Variants in SEMA3A observed in about 807,000 individuals in gnomAD.
The protein encoded by SEMA3A is semaphorin-3A.
Under a neutral mutation model 97.9 loss-of-function variants are expected in SEMA3A, and 29 were observed. The observed-to-expected ratio is 0.30, with a 90% CI of 0.22 to 0.40. SEMA3A has a LOEUF of 0.40. Among genes scored for constraint, SEMA3A ranks in the 10% least tolerant of loss-of-function variants. The probability of loss-of-function intolerance (pLI) is 1.00; values close to 1 mark genes in which losing one functional copy is unlikely to be tolerated. For missense variants in SEMA3A, 763 were observed against 951.3 expected, an observed-to-expected ratio of 0.80 and a Z score of 2.60; for synonymous variants, 321 against 323.7, an observed-to-expected ratio of 0.99 and a Z score of 0.09.
rs557977308 is a variant in SEMA3A, at chr7:84,022,873, T to C, written c.668-8522A>G. 1.8e-4 allele frequency among the ~76,000 whole-genome samples: 27 copies of C among 152,334 alleles called. No homozygotes were observed. The South Asian group carries it at 4.8e-3, about 27-fold the overall frequency. ...GCCATTTTGCAATGTCCTCAGCACA[T>C]AGTGGAAGCTGAACAAACAATCACA... On this transcript the variant is annotated intron_variant, in intron 6 of 16. Coordinates refer to ENST00000265362, the MANE Select transcript of SEMA3A (RefSeq NM_006080.3).
At chr7:84,335,836 A>G (rs1471244112) in intron 2 of SEMA3A, among the ~76,000 whole-genome samples, 1 of 152,132 alleles carries the variant, frequency 6.6e-6, no homozygotes, top group Non-Finnish European at 1.5e-5. Flanking sequence ...TTAAAAGGTG[A>G]AAGGAACTTT....
intron 2 of SEMA3A, among the ~76,000 whole-genome samples, chr7:84,312,916 ATATATAC>A: frequency 2.1e-5 from 1 of 47,152 alleles, no homozygotes; most frequent in South Asian, 7.1e-4. Context: ...ATATATATAT[ATATATAC>A]ACACACACAC....
chr7:84,104,439 C>T (rs938715288), intron 4 of SEMA3A, among the ~76,000 whole-genome samples: 1 of 151,982 alleles, frequency 6.6e-6, no homozygotes, highest in Non-Finnish European at 1.5e-5. Flanking sequence ...AAAAAGCTGT[C>T]AAGTATTATC....
At chr7:84,445,678 A>C (rs2116351824) in intron 1 of SEMA3A, among the ~76,000 whole-genome samples, 1 of 151,790 alleles carries the variant, frequency 6.6e-6, no homozygotes, top group African/African-American at 2.4e-5. Context: ...AGATTAAACC[A>C]AAAATACTAT....
At chr7:84,028,844 C>G (rs1019271835) in intron 6 of SEMA3A, among the ~76,000 whole-genome samples, 1 of 152,242 alleles carries the variant, frequency 6.6e-6, no homozygotes, top group Non-Finnish European at 1.5e-5. Flanking sequence ...TGGTCTCAAT[C>G]TCCTGACCTC....
chr7:84,360,381 G>T (rs543316632), intron 2 of SEMA3A, among the ~76,000 whole-genome samples: 26 of 151,790 alleles, frequency 1.7e-4, no homozygotes, highest in East Asian at 5.8e-4. Context: ...TCTTTATTTC[G>T]GCCTTCATTT....
intron 10 of SEMA3A, among the ~76,000 whole-genome samples, chr7:84,006,158 A>G (rs1231530809): frequency 1.3e-5 from 2 of 152,116 alleles, no homozygotes; most frequent in Non-Finnish European, 2.9e-5. Context: ...ATTTGACATA[A>G]TGAATGGAAT....
chr7:84,160,213 CTA>C (rs1259806300), intron 1 of SEMA3A, among the ~76,000 whole-genome samples: 1 of 148,742 alleles, frequency 6.7e-6, no homozygotes, highest in East Asian at 2.0e-4. Flanking sequence ...TTAAAAAAAA[CTA>C]TCAATCTGTC....
At chr7:84,335,122 G>C (rs520536) in intron 2 of SEMA3A, among the ~76,000 whole-genome samples, 67,276 of 151,714 alleles carry the variant, frequency 0.44, 15,251 homozygotes, top group African/African-American at 0.47. Context: ...CTGTAAGATA[G>C]GGAGGATAAA....
chr7:84,479,474 G>T (rs532817711), intron 1 of SEMA3A, among the ~76,000 whole-genome samples: 1 of 152,254 alleles, frequency 6.6e-6, no homozygotes, highest in Non-Finnish European at 1.5e-5. Flanking sequence ...ACACAAAAAT[G>T]TAGACATCAT....
At chr7:84,029,289 G>C (rs1267386820) in intron 6 of SEMA3A, among the ~76,000 whole-genome samples, 3 of 152,078 alleles carry the variant, frequency 2.0e-5, no homozygotes, top group African/African-American at 7.2e-5. Flanking sequence ...TTTCAATGTG[G>C]AATGACATAA....
chr7:84,035,511 C>T (rs1791909595), intron 6 of SEMA3A, among the ~76,000 whole-genome samples: 2 of 151,800 alleles, frequency 1.3e-5, no homozygotes, highest in South Asian at 2.1e-4. Flanking sequence ...TTTTTAAGTT[C>T]TTATTTATTC....
chr7:84,332,676 C>T (rs796812178), intron 2 of SEMA3A, among the ~76,000 whole-genome samples: 2 of 48,522 alleles, frequency 4.1e-5, no homozygotes, highest in Non-Finnish European at 6.5e-5. Context: ...TGTGTGTATA[C>T]ACACACACAC....
intron 1 of SEMA3A, among the ~76,000 whole-genome samples, chr7:84,422,865 C>T (rs1804638009): frequency 6.6e-6 from 1 of 151,938 alleles, no homozygotes; most frequent in Non-Finnish European, 1.5e-5. Context: ...CAATTGTAAT[C>T]CCTATAGGGA....
At chr7:84,274,152 C>T (rs1800229948) in intron 3 of SEMA3A, among the ~76,000 whole-genome samples, 1 of 152,004 alleles carries the variant, frequency 6.6e-6, no homozygotes, top group African/African-American at 2.4e-5. Flanking sequence ...TCTGCTTAAA[C>T]ATAAAATTTC....
At chr7:84,024,144 G>C (rs969942586) in intron 6 of SEMA3A, among the ~76,000 whole-genome samples, 6 of 152,138 alleles carry the variant, frequency 3.9e-5, no homozygotes, top group Admixed American at 3.9e-4. Flanking sequence ...AAAGAAGCAA[G>C]TATTTCCTTC....
At chr7:84,255,871 T>C (rs1245329511) in intron 3 of SEMA3A, among the ~76,000 whole-genome samples, 5 of 149,952 alleles carry the variant, frequency 3.3e-5, no homozygotes, top group Admixed American at 3.3e-4. Context: ...GTTAATGTCC[T>C]CTTTATTATG....
intron 4 of SEMA3A, among the ~76,000 whole-genome samples, chr7:84,067,866 T>A (rs1356032906): frequency 6.7e-5 from 10 of 148,954 alleles, no homozygotes; most frequent in Non-Finnish European, 1.3e-4. Context: ...TCAGTGTGGC[T>A]ATTCCTCAGG....
intron 1 of SEMA3A, among the ~76,000 whole-genome samples, chr7:84,387,201 C>T (rs1216313124): frequency 6.6e-6 from 1 of 151,984 alleles, no homozygotes; most frequent in Non-Finnish European, 1.5e-5. Context: ...GATATTTAAT[C>T]CACAGTTTTC....
Sources: allele counts gnomAD v4.1 joint callset (sites outside exome capture counted in the v4.1 genomes callset), GRCh38; gene constraint gnomAD v4.1.1; transcripts MANE v1.5; gene names NCBI Gene and HGNC (gene_info 2026-07-23, HGNC 2026-07-21).